PPP2R2B: variants seen among roughly 807,000 people sequenced by gnomAD.
PPP2R2B encodes serine/threonine-protein phosphatase 2A 55 kDa regulatory subunit B beta isoform.
In PPP2R2B, 5 loss-of-function variants were observed where a neutral mutation model predicts 46.0. The observed-to-expected ratio is 0.11, with a 90% CI of 0.06 to 0.23. PPP2R2B has a LOEUF of 0.23. Ranked by LOEUF, PPP2R2B falls within the 10% of genes least tolerant of loss-of-function variation. PPP2R2B has a pLI of 1.00. For synonymous variants in PPP2R2B, 215 were observed against 206.7 expected (o/e 1.04, Z -0.34); for missense variants, 367 against 575.0 (o/e 0.64, Z 3.70).
At chr5:147,080,046 T>C (rs1275067171) in intron 2 of PPP2R2B, among the ~76,000 whole-genome samples, 2 of 152,128 alleles carry the variant, frequency 1.3e-5, no homozygotes, top group Non-Finnish European at 2.9e-5. Context: ...AAACATAGAG[T>C]ATTTGGTTTT....
intron 2 of PPP2R2B, among the ~76,000 whole-genome samples, chr5:147,068,533 A>C (rs1350999274): frequency 2.0e-5 from 3 of 152,240 alleles, no homozygotes; most frequent in African/African-American, 7.2e-5. Context: ...TTTGTTATTT[A>C]TTTTTTCTGT....
chr5:146,862,581 A>G (rs555876433), intron 2 of PPP2R2B, among the ~76,000 whole-genome samples: 1 of 152,286 alleles, frequency 6.6e-6, no homozygotes, highest in Admixed American at 6.5e-5. Context: ...TGCAGGTACC[A>G]GGGAAGGGGA....
chr5:147,043,676 C>A (rs1296604938), intron 1 of PPP2R2B, among the ~76,000 whole-genome samples: 1 of 152,164 alleles, frequency 6.6e-6, no homozygotes, highest in Non-Finnish European at 1.5e-5. Flanking sequence ...TCAGTATGTG[C>A]AAGGCACTGT....
At chr5:146,861,298 C>T (rs759769837) in intron 2 of PPP2R2B, among the ~76,000 whole-genome samples, 13 of 151,960 alleles carry the variant, frequency 8.6e-5, no homozygotes, top group Non-Finnish European at 1.3e-4. Flanking sequence ...CCTCATGATC[C>T]GCCCAGCTCG....
chr5:146,647,267 T>C (rs1270336399), intron 6 of PPP2R2B, among the ~76,000 whole-genome samples: 1 of 18,478 alleles, frequency 5.4e-5, no homozygotes, highest in Non-Finnish European at 1.6e-4. Flanking sequence ...GTAGCCACAC[T>C]ATGCTTTGGG....
chr5:146,934,432 G>A (rs992055782), intron 1 of PPP2R2B, among the ~76,000 whole-genome samples: 3 of 151,640 alleles, frequency 2.0e-5, no homozygotes, highest in African/African-American at 7.3e-5. Flanking sequence ...CTGATGGCCA[G>A]TGATGATAAG....
intron 1 of PPP2R2B, among the ~76,000 whole-genome samples, chr5:146,934,227 T>C (rs1424225642): frequency 1.3e-5 from 2 of 151,800 alleles, no homozygotes; most frequent in Non-Finnish European, 2.9e-5. Context: ...AAATGGTATT[T>C]CTAGTTCTAG....
intron 4 of PPP2R2B, 64 bp from the exon 5 acceptor site, chr5:146,691,304 C>T (rs1159634252): frequency 7.2e-7 from 1 of 1,396,992 alleles, no homozygotes; most frequent in Non-Finnish European, 1.0e-6. Flanking sequence ...GGGAGTTTTC[C>T]TGGGGGCAAT....
exon 1 of PPP2R2B, chr5:147,055,883 GGA>G (rs1387810598): frequency 9.6e-5 from 139 of 1,450,752 alleles, no homozygotes; most frequent in Non-Finnish European, 1.2e-4. Context: ...GGGTGCCCGA[GGA>G]ATAACTGGAG....
intron 2 of PPP2R2B, among the ~76,000 whole-genome samples, chr5:146,709,885 T>C (rs1363050047): frequency 2.6e-5 from 4 of 152,226 alleles, no homozygotes; most frequent in African/African-American, 9.6e-5. Flanking sequence ...TTCATGCTAC[T>C]ATACATGTCT....
intron 2 of PPP2R2B, among the ~76,000 whole-genome samples, chr5:147,077,357 C>T (rs1415207185): frequency 4.6e-5 from 7 of 150,564 alleles, no homozygotes; most frequent in African/African-American, 1.7e-4. Context: ...GGTAACTATA[C>T]GATTATCCCC....
upstream of PPP2R2B, among the ~76,000 whole-genome samples, chr5:146,881,559 G>A (rs1256047707): frequency 6.6e-6 from 1 of 151,910 alleles, no homozygotes; most frequent in Non-Finnish European, 1.5e-5. Context: ...ACTAAGACAT[G>A]GACCACCACA....
intron 2 of PPP2R2B, among the ~76,000 whole-genome samples, chr5:146,776,393 T>C (rs1755184068): frequency 6.6e-6 from 1 of 152,156 alleles, no homozygotes; most frequent in African/African-American, 2.4e-5. Flanking sequence ...AGACCATTCA[T>C]TGAGGAAAGA....
intron 1 of PPP2R2B, among the ~76,000 whole-genome samples, chr5:146,969,688 T>A (rs1752583425): frequency 6.6e-6 from 1 of 152,224 alleles, no homozygotes; most frequent in Non-Finnish European, 1.5e-5. Flanking sequence ...TTGTGCCTGC[T>A]GGACAAAGTG....
intron 1 of PPP2R2B, among the ~76,000 whole-genome samples, chr5:146,987,786 C>G (rs957759855): frequency 2.6e-5 from 4 of 151,732 alleles, no homozygotes; most frequent in Non-Finnish European, 5.9e-5. Flanking sequence ...TTTATAATAA[C>G]CTTGAATATA....
chr5:147,081,193 A>G (rs1393980782), intron 1 of PPP2R2B: 2 of 1,534,346 alleles, frequency 1.3e-6, no homozygotes, highest in Non-Finnish European at 1.7e-6. Flanking sequence ...GTTGTTCTTA[A>G]GAGACCAACA....
intron 1 of PPP2R2B, among the ~76,000 whole-genome samples, chr5:147,035,777 A>T (rs1347861817): frequency 7.2e-6 from 1 of 139,308 alleles, no homozygotes; most frequent in Non-Finnish European, 1.6e-5. Flanking sequence ...ATAACTGCAA[A>T]TGTTTTAATG....
intron 1 of PPP2R2B, among the ~76,000 whole-genome samples, chr5:147,052,584 G>C (rs939693983): frequency 1.3e-5 from 2 of 152,154 alleles, no homozygotes; most frequent in Non-Finnish European, 1.5e-5. Flanking sequence ...AAGGCAATGG[G>C]GCAGAAGGAA....
intron 1 of PPP2R2B, among the ~76,000 whole-genome samples, chr5:146,889,857 T>A (rs1318582829): frequency 2.0e-5 from 3 of 152,166 alleles, no homozygotes; most frequent in Non-Finnish European, 4.4e-5. Context: ...GCAATGCTAA[T>A]CATACATCTG....
Sources: allele counts gnomAD v4.1 joint callset (sites outside exome capture counted in the v4.1 genomes callset), GRCh38; gene constraint gnomAD v4.1.1; transcripts MANE v1.5; gene names NCBI Gene and HGNC (gene_info 2026-07-23, HGNC 2026-07-21).